SPOPL: variants seen among roughly 807,000 people sequenced by gnomAD.
SPOPL encodes speckle-type POZ protein-like.
SPOPL carries 23 observed loss-of-function variants against 53.8 expected under a neutral mutation model. The ratio of observed to expected loss-of-function variants is 0.43; its 90% CI spans 0.31 to 0.61. The LOEUF (loss-of-function observed/expected upper bound fraction) is 0.61, where lower values mean the gene tolerates loss of function less well. Ranked by LOEUF, SPOPL falls within the 20% of genes least tolerant of loss-of-function variation. SPOPL has a pLI of 0.12. For synonymous variants in SPOPL, 164 were observed against 149.7 expected, an observed-to-expected ratio of 1.10 and a Z score of -0.70; for missense variants, 442 against 466.9, an observed-to-expected ratio of 0.95 and a Z score of 0.49.
chr2:138,543,754 C>T (rs1685127420), intron 1 of SPOPL, among the ~76,000 whole-genome samples: 1 of 152,198 alleles, frequency 6.6e-6, no homozygotes, highest in Non-Finnish European at 1.5e-5. Flanking sequence ...CATTCTCCAT[C>T]CAGCTTTGTT....
intron 1 of SPOPL, among the ~76,000 whole-genome samples, chr2:138,543,808 G>A (rs1048378398): frequency 6.6e-5 from 10 of 152,132 alleles, no homozygotes; most frequent in Admixed American, 4.6e-4. Context: ...GAGGAGAGGC[G>A]CTCTGATTTT....
At chr2:138,545,881 C>T (rs1188403438) in intron 1 of SPOPL, among the ~76,000 whole-genome samples, 4 of 152,152 alleles carry the variant, frequency 2.6e-5, no homozygotes, top group Admixed American at 6.5e-5. Context: ...TACATTTTTA[C>T]ATATCTACGA....
chr2:138,551,167 C>T, intron 4 of SPOPL, 113 bp downstream of exon 4: 1 of 1,197,608 alleles, frequency 8.3e-7, no homozygotes, highest in Non-Finnish European at 1.2e-6. Context: ...ATCTGCTTAA[C>T]CTGAAACTTT....
chr2:138,568,940 G>A lies in SPOPL; in HGVS notation c.1039G>A (p.Ala347Thr), dbSNP rs1401367809. 4.3e-6 allele frequency: 7 copies of A among 1,613,550 alleles called. No individual in the cohort carries two copies. Among genetic ancestry groups the A allele is most frequent in the East Asian group, 2.2e-5 (1 of 44,890 alleles). Residue 347 changes from alanine to threonine, a missense_variant, in exon 11 of 11, where the codon GCA becomes ACA. By Grantham distance (58) the Ala-to-Thr change is moderately conservative. Transcript: ENST00000280098. ...TCTTTTAATTCTATTTTTCAGCCAA[G>A]CAACCGACATAATGGAAACATCAGG... ...KDGKNWNSNQ[A>T]TDIMETSGWK... is the part of the protein sequence containing the mutation.
At chr2:138,511,649 G>A (rs1275771414) in intron 1 of SPOPL, among the ~76,000 whole-genome samples, 1 of 152,180 alleles carries the variant, frequency 6.6e-6, no homozygotes, top group Non-Finnish European at 1.5e-5. Context: ...GATTATAATT[G>A]TAAGATGCTA....
intron 1 of SPOPL, among the ~76,000 whole-genome samples, chr2:138,513,771 A>C (rs1401228548): frequency 6.7e-6 from 1 of 150,286 alleles, no homozygotes; most frequent in Non-Finnish European, 1.5e-5. Flanking sequence ...TGGCTTTTGC[A>C]TTCTGTTAAC....
chr2:138,540,374 A>C (rs1217797226), intron 1 of SPOPL, among the ~76,000 whole-genome samples: 19 of 152,196 alleles, frequency 1.2e-4, no homozygotes. Flanking sequence ...CTTCCTACCC[A>C]TGAGCATGGA....
chr2:138,550,385 T>G lies in SPOPL; in HGVS notation c.78+91T>G. Reference sequence around the variant, plus strand: ...ATTGTGAAACACTTTGCCATAGTTATTAGAAGTGTTAGAAGACTGGATCGT... The same window carrying G: ...ATTGTGAAACACTTTGCCATAGTTAGTAGAAGTGTTAGAAGACTGGATCGT... On this transcript the variant is annotated intron_variant, in intron 2 of 10. Coordinates refer to ENST00000280098, the MANE Select transcript of SPOPL (RefSeq NM_001001664.3). 7 of 1,573,506 alleles carry G rather than the reference T, an allele frequency of 4.4e-6. No homozygotes were observed. The African/African-American group carries it at 5.4e-5, about 12-fold the overall frequency.
intron 5 of SPOPL, among the ~76,000 whole-genome samples, chr2:138,554,119 T>TAATA (rs1484306988): frequency 6.8e-6 from 1 of 147,060 alleles, no homozygotes; most frequent in Non-Finnish European, 1.5e-5. Flanking sequence ...GATATTTTCC[T>TAATA]AAGTACACTG....
chr2:138,534,214 G>A (rs778522120), intron 1 of SPOPL, among the ~76,000 whole-genome samples: 43 of 152,020 alleles, frequency 2.8e-4, no homozygotes, highest in Non-Finnish European at 3.7e-4. Context: ...TTATAGAGTT[G>A]ACCCTCTGTA....
At chr2:138,548,327 A>G (rs1485403285) in intron 1 of SPOPL, among the ~76,000 whole-genome samples, 2 of 149,060 alleles carry the variant, frequency 1.3e-5, no homozygotes, top group Admixed American at 6.7e-5. Context: ...TGTTTTTGAA[A>G]TCAATGCAAG....
chr2:138,535,195 C>T (rs1684900532), intron 1 of SPOPL, among the ~76,000 whole-genome samples: 1 of 152,178 alleles, frequency 6.6e-6, no homozygotes, highest in African/African-American at 2.4e-5. Flanking sequence ...TCATTGTGTA[C>T]ATGTACCACA....
intron 1 of SPOPL, among the ~76,000 whole-genome samples, chr2:138,503,310 T>G (rs1468787332): frequency 6.6e-6 from 1 of 152,190 alleles, no homozygotes; most frequent in Admixed American, 6.5e-5. Flanking sequence ...TCAGTATACT[T>G]ACAGCTGTAA....
In SPOPL at chr2:138,538,247, C is replaced by G. The variant is rs369738841; in HGVS notation, c.-60-11910C>G. On this transcript the variant is annotated intron_variant, in intron 1 of 10. Coordinates refer to ENST00000280098, the MANE Select transcript of SPOPL (RefSeq NM_001001664.3). ...AGTTATTTTATACTGCTGTTCAAGTCTTCTATCTCTTTATTGATCTTCCTC... is the reference window on the plus strand; with the variant it reads ...AGTTATTTTATACTGCTGTTCAAGTGTTCTATCTCTTTATTGATCTTCCTC... Among the ~76,000 whole-genome samples the G allele has an allele frequency of 6.6e-5, 10 of 152,164 alleles. No individual in the cohort carries two copies. The South Asian group carries it at 2.1e-3, about 32-fold the overall frequency.
chr2:138,544,147 G>T (rs1357982470), intron 1 of SPOPL, among the ~76,000 whole-genome samples: 1 of 152,168 alleles, frequency 6.6e-6, no homozygotes, highest in African/African-American at 2.4e-5. Flanking sequence ...GCCCCTACTG[G>T]GGGGTGTCTC....
chr2:138,523,399 C>T (rs1684599856), intron 1 of SPOPL, among the ~76,000 whole-genome samples: 1 of 152,146 alleles, frequency 6.6e-6, no homozygotes, highest in African/African-American at 2.4e-5. Flanking sequence ...TGTGTGAGGA[C>T]ACAGAGCCAA....
At chr2:138,532,395 C>G (rs1387814124) in intron 1 of SPOPL, among the ~76,000 whole-genome samples, 2 of 147,636 alleles carry the variant, frequency 1.4e-5, no homozygotes, top group Admixed American at 1.4e-4. Context: ...TCTGTCAGCC[C>G]AATTTATTTA....
chr2:138,554,040 T>C (rs1415058673), intron 5 of SPOPL, among the ~76,000 whole-genome samples: 3 of 150,882 alleles, frequency 2.0e-5, no homozygotes, highest in Non-Finnish European at 4.4e-5. Context: ...AAAATAGTTT[T>C]AGAAATGAAC....
At chr2:138,519,425 T>TA (rs11418970) in intron 1 of SPOPL, among the ~76,000 whole-genome samples, 9,487 of 142,224 alleles carry the variant, frequency 0.067, 730 homozygotes, top group East Asian at 0.35. Flanking sequence ...TGTTGGGCTT[T>TA]AAAAAAAAAA....
Sources: allele counts gnomAD v4.1 joint callset (sites outside exome capture counted in the v4.1 genomes callset), GRCh38; gene constraint gnomAD v4.1.1; transcripts MANE v1.5; gene names NCBI Gene and HGNC (gene_info 2026-07-23, HGNC 2026-07-21).